Variants in NAT1 observed in about 807,000 individuals in gnomAD.
NAT1 encodes the protein arylamine N-acetyltransferase 1.
For missense variants in NAT1, 400 were observed against 339.2 expected (o/e 1.18, Z -1.41); for synonymous variants, 144 against 122.6 (o/e 1.17, Z -1.16).
At chr8:18,196,830 A>AT (rs1803254335) in intron 2 of NAT1, among the ~76,000 whole-genome samples, 1 of 152,228 alleles carries the variant, frequency 6.6e-6, no homozygotes, top group Admixed American at 6.5e-5. Context: ...ATCAATAATA[A>AT]TAAAAACTAG....
Position 18,222,986 on chromosome 8 carries a change from C to G in NAT1, c.*66C>G. The G allele has an allele frequency of 2.2e-6, 3 of 1,365,412 alleles. No individual in the cohort carries two copies. Among genetic ancestry groups the G allele is most frequent in the Non-Finnish European group, 2.9e-6 (3 of 1,019,394 alleles). The allele number at this position is 1,365,412 out of a possible 1,614,324, so 84.6% of individuals were successfully genotyped here. A position where few individuals can be genotyped will look rare whatever the true frequency, so the allele number is the denominator to read the frequency against. ...CACCAGTTATCAACTGACGACCTAT[C>G]ATGTATCTTCTGTACCCTTACCTTA... On this transcript the variant is annotated 3_prime_UTR_variant, in exon 3 of 3. Transcript: ENST00000307719.
intron 2 of NAT1, among the ~76,000 whole-genome samples, chr8:18,196,233 A>G (rs1322677431): frequency 6.6e-6 from 1 of 152,068 alleles, no homozygotes; most frequent in African/African-American, 2.4e-5. Flanking sequence ...TGCAGGCGTG[A>G]GCCACCACAC....
rs1805370130 is a variant in NAT1 at position 18,222,148 on chromosome 8, C to A, written c.101C>A (p.Ala34Asp). 2 of 1,614,026 alleles carry A rather than the reference C, an allele frequency of 1.2e-6. No individual in the cohort carries two copies. Among genetic ancestry groups the A allele is most frequent in the African/African-American group, 2.7e-5 (2 of 74,916 alleles). ...LTDILQHQIR[A>D]VPFENLNIHC... ...GACATTCTTCAACACCAGATCCGAGCTGTTCCCTTTGAGAACCTTAACATC... is the reference window on the plus strand; with the variant it reads ...GACATTCTTCAACACCAGATCCGAGATGTTCCCTTTGAGAACCTTAACATC... The change falls in exon 3 of 3, where the codon GCT (alanine) becomes GAT (aspartate). Residue 34 changes from alanine (A) to aspartate (D), a missense_variant. Transcript: ENST00000307719.
intron 2 of NAT1, among the ~76,000 whole-genome samples, chr8:18,196,673 G>C (rs1163671982): frequency 1.3e-5 from 2 of 152,184 alleles, no homozygotes; most frequent in South Asian, 2.1e-4. Flanking sequence ...CTTCTGGGAA[G>C]GTTAGAAAGA....
chr8:18,219,585 G>A lies in NAT1; in HGVS notation c.-7+96G>A, dbSNP rs1407070608. 4 of 659,146 alleles carry A rather than the reference G, an allele frequency of 6.1e-6. No individual in the cohort carries two copies. In the Admixed American group the frequency reaches 1.2e-4, roughly 20 times the overall value. The allele number at this position is 659,146 out of a possible 1,614,324, so 40.8% of individuals were successfully genotyped here. A position where few individuals can be genotyped will look rare whatever the true frequency, so the allele number is the denominator to read the frequency against. Reference sequence around the variant, plus strand: ...ATATTTATGATCAAGATGAAAGGGAGGGATGTATCACTGCACAGAGATTCT... The same window carrying A: ...ATATTTATGATCAAGATGAAAGGGAAGGATGTATCACTGCACAGAGATTCT... On this transcript the variant is annotated intron_variant, in intron 2 of 2. Transcript: ENST00000307719.
Position 18,223,129 on chromosome 8 carries a change from T to A in NAT1, c.*209T>A, listed in dbSNP as rs536323078. 35 of 201,184 alleles carry A rather than the reference T, an allele frequency of 1.7e-4. No homozygotes were observed. Among genetic ancestry groups the A allele is most frequent in the African/African-American group, 8.2e-4 (35 of 42,552 alleles). The allele number at this position is 201,184 out of a possible 1,614,324, so 12.5% of individuals were successfully genotyped here. A position where few individuals can be genotyped will look rare whatever the true frequency, so the allele number is the denominator to read the frequency against. On this transcript the variant is annotated 3_prime_UTR_variant, in exon 3 of 3. Transcript: ENST00000307719. The stretch of plus-strand genomic sequence containing the variant: ...CCTTTTCAAATAATAATAATAATAA[T>A]AATAAAAAATGTATTTTAAAGATGG...
At chr8:18,211,861 A>G (rs929032728) in intron 1 of NAT1, among the ~76,000 whole-genome samples, 1 of 152,160 alleles carries the variant, frequency 6.6e-6, no homozygotes, top group Non-Finnish European at 1.5e-5. Context: ...AAGAAAAGCC[A>G]CTCATTGGCT....
At chr8:18,195,095 A>T (rs374909619) in intron 2 of NAT1, among the ~76,000 whole-genome samples, 3 of 152,206 alleles carry the variant, frequency 2.0e-5, no homozygotes, top group African/African-American at 7.2e-5. Context: ...TTGGAGTTAC[A>T]GGGGATCATC....
intron 2 of NAT1, among the ~76,000 whole-genome samples, chr8:18,221,239 C>T (rs965576503): frequency 2.6e-5 from 4 of 151,738 alleles, no homozygotes; most frequent in Admixed American, 1.3e-4. Flanking sequence ...TTGGAACAAT[C>T]CTCCTCACGC....
intron 2 of NAT1, among the ~76,000 whole-genome samples, chr8:18,202,760 A>G (rs1167430657): frequency 6.6e-6 from 1 of 152,142 alleles, no homozygotes; most frequent in African/African-American, 2.4e-5. Context: ...GGTAGTGAGG[A>G]CCCAAAGAGT....
intron 2 of NAT1, among the ~76,000 whole-genome samples, chr8:18,204,232 C>A (rs1007625620): frequency 2.6e-5 from 4 of 152,028 alleles, no homozygotes; most frequent in African/African-American, 7.2e-5. Flanking sequence ...TTAAACTTTC[C>A]ACTCCTTAAC....
chr8:18,187,704 G>C (rs1241263686), intron 2 of NAT1, among the ~76,000 whole-genome samples: 1 of 151,980 alleles, frequency 6.6e-6, no homozygotes, highest in East Asian at 1.9e-4. Flanking sequence ...GCCTACTTGA[G>C]GGTGGAGGGT....
At chr8:18,212,658 T>C (rs1398528928) in intron 1 of NAT1, 5 of 152,268 alleles carry the variant, frequency 3.3e-5, no homozygotes, top group African/African-American at 4.8e-5. Flanking sequence ...CAAAGCAGCT[T>C]CAGGAGCCCT....
intron 2 of NAT1, among the ~76,000 whole-genome samples, chr8:18,178,892 A>G (rs11995874): frequency 0.08 from 12,178 of 152,116 alleles, 1,331 homozygotes; most frequent in African/African-American, 0.25. Flanking sequence ...TTACTCCTCT[A>G]GATTTGTCTT....
At chr8:18,192,088 C>A (rs1280457064) in intron 2 of NAT1, among the ~76,000 whole-genome samples, 1 of 151,374 alleles carries the variant, frequency 6.6e-6, no homozygotes, top group Non-Finnish European at 1.5e-5. Flanking sequence ...GCAACCTACT[C>A]ATCTGACAAA....
At chr8:18,182,226 G>T (rs1802549889) in intron 2 of NAT1, among the ~76,000 whole-genome samples, 1 of 152,160 alleles carries the variant, frequency 6.6e-6, no homozygotes, top group South Asian at 2.1e-4. Context: ...TCCATTTGAT[G>T]TTCCTGTGGG....
Position 18,222,406 on chromosome 8 carries a change from T to G in NAT1, c.359T>G (p.Ile120Ser), listed in dbSNP as rs777637715. 5.6e-6 allele frequency: 9 copies of G among 1,613,956 alleles called. No homozygotes were observed. The highest frequency in any genetic ancestry group is 7.6e-6 in the Non-Finnish European group (9 of 1,180,004). Residue 120 changes from isoleucine to serine, a missense_variant, in exon 3 of 3, where the codon ATT becomes AGT. Coordinates refer to ENST00000307719, the MANE Select transcript of NAT1 (RefSeq NM_000662.8). ...GTGACCATTGATGGCAGGAACTACA[T>G]TGTCGATGCTGGGTTTGGACGCTCA... ...LQVTIDGRNY[I>S]VDAGFGRSYQ... is the part of the protein sequence containing the mutation.
intron 2 of NAT1, among the ~76,000 whole-genome samples, chr8:18,190,017 T>A (rs1172736339): frequency 6.6e-6 from 1 of 152,196 alleles, no homozygotes; most frequent in Non-Finnish European, 1.5e-5. Flanking sequence ...CTCGAACTCC[T>A]GACCACAAGG....
At chr8:18,215,461 A>G (rs1589114975) in intron 1 of NAT1, among the ~76,000 whole-genome samples, 1 of 152,276 alleles carries the variant, frequency 6.6e-6, no homozygotes, top group African/African-American at 2.4e-5. Context: ...TCTGTTCATC[A>G]TTATGTATTC....
Sources: gnomAD v4.1 joint callset for allele counts (sites outside exome capture counted in the v4.1 genomes callset) on GRCh38, gnomAD v4.1.1 for gene constraint, MANE v1.5 for transcripts, NCBI Gene and HGNC (gene_info 2026-07-23, HGNC 2026-07-21) for gene names.